Variants in KMT2C observed in about 807,000 individuals in gnomAD.
KMT2C encodes the protein lysine methyltransferase 2C, also known as histone-lysine N-methyltransferase 2C.
KMT2C carries 88 observed loss-of-function variants against 507.9 expected under a neutral mutation model. That is an observed-to-expected ratio of 0.17 (90% CI 0.15 to 0.21). The LOEUF is 0.21. Among genes scored for constraint, KMT2C ranks in the 10% least tolerant of loss-of-function variants. KMT2C has a pLI of 1.00. For missense variants in KMT2C, 4,954 were observed against 5,957.8 expected (o/e 0.83, Z 5.55); for synonymous variants, 2,049 against 2,080.8 (o/e 0.98, Z 0.42).
chr7:152,195,827 A>C (rs1400232610), intron 28 of KMT2C, 80 bp downstream of exon 28: 37 of 723,468 alleles, frequency 5.1e-5, no homozygotes, highest in Non-Finnish European at 7.6e-5. Flanking sequence ...AACAGACAAA[A>C]GGCTAAACTT....
intron 2 of KMT2C, among the ~76,000 whole-genome samples, chr7:152,350,532 C>A (rs1243460211): frequency 6.6e-6 from 1 of 152,134 alleles, no homozygotes; most frequent in Non-Finnish European, 1.5e-5. Flanking sequence ...AACTATAACA[C>A]AACAGTCAAG....
At chr7:152,160,395 C>G (rs1037162365) in intron 43 of KMT2C, among the ~76,000 whole-genome samples, 3 of 152,010 alleles carry the variant, frequency 2.0e-5, no homozygotes, top group Non-Finnish European at 4.4e-5. Flanking sequence ...AACAAGCCCT[C>G]CTGGTGCTCC....
At chr7:152,323,456 A>C (rs1189488300) in intron 3 of KMT2C, among the ~76,000 whole-genome samples, 1 of 151,710 alleles carries the variant, frequency 6.6e-6, no homozygotes, top group African/African-American at 2.4e-5. Flanking sequence ...TGGGCAACAC[A>C]GTAAGACTCC....
At chr7:152,341,541 C>A (rs1207641617) in intron 2 of KMT2C, among the ~76,000 whole-genome samples, 2 of 152,194 alleles carry the variant, frequency 1.3e-5, no homozygotes, top group Non-Finnish European at 2.9e-5. Flanking sequence ...ATTCACTGGA[C>A]ACAGTCACAT....
intron 9 of KMT2C, among the ~76,000 whole-genome samples, chr7:152,255,109 TTATA>T (rs1207305132): frequency 0.017 from 1,370 of 78,290 alleles, 41 homozygotes; most frequent in Admixed American, 0.081. Context: ...CAACTCTCAC[TTATA>T]TATATATATA....
At position 152,176,168 on chromosome 7, in the gene KMT2C, T is replaced by C. The variant is rs202108660; in HGVS notation, c.9262+23A>G. On this transcript the variant is annotated intron_variant, in intron 38 of 58. Transcript: ENST00000262189. ...ACTCTAATACCCATAGTAATATACG[T>C]TGAGACTCAAGAAAACTCCTACCAA... 9.6e-6 allele frequency: 15 copies of C among 1,564,900 alleles called. No homozygotes were observed. The East Asian group carries it at 1.6e-4, about 16-fold the overall frequency.
rs2093405873 is a variant in KMT2C at position 152,180,696 on chromosome 7, A to G, written c.7149+15T>C. 2 of 1,567,510 alleles carry G rather than the reference A, an allele frequency of 1.3e-6. No homozygotes were observed. The highest frequency in any genetic ancestry group is 1.2e-5 in the South Asian group (1 of 86,864). ...AAATAATACATTTAAAACTGAGAAC[A>G]TACAATGTGTTTACCTGTCTCAATT... On this transcript the variant is annotated intron_variant, in intron 36 of 58. Coordinates refer to ENST00000262189, the MANE Select transcript of KMT2C (RefSeq NM_170606.3).
At chr7:152,268,209 G>A (rs1414817305) in intron 7 of KMT2C, among the ~76,000 whole-genome samples, 1 of 152,138 alleles carries the variant, frequency 6.6e-6, no homozygotes, top group Non-Finnish European at 1.5e-5. Context: ...AACTCGGGAG[G>A]TGGAGGCTGC....
intron 9 of KMT2C, among the ~76,000 whole-genome samples, chr7:152,262,284 C>T (rs990521963): frequency 7.2e-5 from 11 of 152,168 alleles, no homozygotes; most frequent in African/African-American, 2.7e-4. Context: ...CCATCATGCC[C>T]TCTCCAGCTC....
chr7:152,221,335 G>C (rs1452898545), intron 22 of KMT2C, among the ~76,000 whole-genome samples: 1 of 152,210 alleles, frequency 6.6e-6, no homozygotes, highest in Non-Finnish European at 1.5e-5. Context: ...GCAATGCTCA[G>C]CTAATCCACT....
chr7:152,407,985 A>G (rs1435500506), intron 1 of KMT2C, among the ~76,000 whole-genome samples: 1 of 152,308 alleles, frequency 6.6e-6, no homozygotes, highest in Non-Finnish European at 1.5e-5. Flanking sequence ...ATTTAGCTTT[A>G]CTTTTGTAAT....
At chr7:152,327,061 C>T (rs1393517699) in intron 3 of KMT2C, among the ~76,000 whole-genome samples, 1 of 152,096 alleles carries the variant, frequency 6.6e-6, no homozygotes, top group Non-Finnish European at 1.5e-5. Flanking sequence ...TCTGTCCTGT[C>T]TAATGAAAAT....
chr7:152,230,068 A>C, intron 17 of KMT2C, 41 bp from the exon 18 acceptor site: 1 of 1,067,742 alleles, frequency 9.4e-7, no homozygotes, highest in South Asian at 1.4e-5. Flanking sequence ...ATGGAGACTA[A>C]GCTAAAAACC....
intron 8 of KMT2C, among the ~76,000 whole-genome samples, chr7:152,264,590 A>T (rs2095832483): frequency 6.6e-6 from 1 of 152,136 alleles, no homozygotes; most frequent in African/African-American, 2.4e-5. Context: ...CACATGACTG[A>T]TTTTTTGGCT....
intron 12 of KMT2C, 93 bp from the exon 13 acceptor site, chr7:152,250,046 C>G: frequency 1.4e-6 from 1 of 708,668 alleles, no homozygotes; most frequent in South Asian, 1.7e-5. Flanking sequence ...TTTTATTCTA[C>G]TAAATGTCAA....
intron 6 of KMT2C, among the ~76,000 whole-genome samples, chr7:152,307,021 A>C (rs2096620642): frequency 6.6e-6 from 1 of 152,166 alleles, no homozygotes; most frequent in East Asian, 1.9e-4. Context: ...TAGTTAGGCG[A>C]GGTGGCGCAT....
intron 1 of KMT2C, among the ~76,000 whole-genome samples, chr7:152,376,034 A>G (rs977764246): frequency 3.3e-5 from 5 of 151,974 alleles, no homozygotes; most frequent in African/African-American, 1.2e-4. Context: ...GCTAGTCTCA[A>G]ACTCAAGCGA....
At chr7:152,330,556 T>C in intron 3 of KMT2C, 45 bp downstream of exon 3, 1 of 1,584,576 alleles carries the variant, frequency 6.3e-7, no homozygotes, top group Non-Finnish European at 8.7e-7. Flanking sequence ...TTCACTGCTT[T>C]ATTCCTGTCA....
At chr7:152,365,503 CTCAA>C (rs1489074435) in intron 1 of KMT2C, among the ~76,000 whole-genome samples, 1 of 151,856 alleles carries the variant, frequency 6.6e-6, no homozygotes, top group Non-Finnish European at 1.5e-5. Context: ...GAGACCCTGT[CTCAA>C]ACAAACAAAC....
Sources: gnomAD v4.1 joint callset for allele counts (sites outside exome capture counted in the v4.1 genomes callset) on GRCh38, gnomAD v4.1.1 for gene constraint, MANE v1.5 for transcripts, NCBI Gene and HGNC (gene_info 2026-07-23, HGNC 2026-07-21) for gene names.